Variants in WWOX observed in about 807,000 individuals in gnomAD.
WWOX encodes the protein WW domain containing oxidoreductase.
In WWOX, 69 loss-of-function variants were observed where a neutral mutation model predicts 46.2. The observed-to-expected ratio is 1.49, with a 90% CI of 1.23 to 1.82. The LOEUF (loss-of-function observed/expected upper bound fraction) is 1.82, where lower values mean the gene tolerates loss of function less well. Ranked by LOEUF, WWOX falls within the 40% of genes most tolerant of loss-of-function variation. The probability of loss-of-function intolerance (pLI) is 0.00; values close to 1 mark genes in which losing one functional copy is unlikely to be tolerated. For missense variants in WWOX, 919 were observed against 542.6 expected, an observed-to-expected ratio of 1.69 and a Z score of -6.89; for synonymous variants, 359 against 202.6, an observed-to-expected ratio of 1.77 and a Z score of -6.56.
intron 8 of WWOX, among the ~76,000 whole-genome samples, chr16:78,635,549 C>T (rs1048312725): frequency 1.2e-4 from 18 of 152,292 alleles, no homozygotes; most frequent in African/African-American, 4.1e-4. Context: ...AGACAAGTTG[C>T]TCATCCTCTC....
intron 8 of WWOX, among the ~76,000 whole-genome samples, chr16:78,731,904 G>T (rs185776723): frequency 4.1e-5 from 6 of 145,648 alleles, no homozygotes; most frequent in Admixed American, 1.4e-4. Flanking sequence ...CTGGAGTGCA[G>T]TGGTGCCTTC....
intron 8 of WWOX, among the ~76,000 whole-genome samples, chr16:78,867,511 T>TG (rs201319919): frequency 6.7e-6 from 1 of 149,862 alleles, no homozygotes; most frequent in Non-Finnish European, 1.5e-5. Context: ...TGTGTGTGTG[T>TG]ATGTGTGTGT....
At chr16:78,911,481 T>C (rs767965205) in intron 8 of WWOX, among the ~76,000 whole-genome samples, 12 of 151,882 alleles carry the variant, frequency 7.9e-5, no homozygotes, top group Non-Finnish European at 1.6e-4. Context: ...GATTCAGAAG[T>C]TGAAGGAGAT....
chr16:79,082,359 G>T (rs768929154), intron 8 of WWOX, among the ~76,000 whole-genome samples: 2 of 152,150 alleles, frequency 1.3e-5, no homozygotes, highest in African/African-American at 4.8e-5. Context: ...TCCTTTGTAA[G>T]ACACAGATAA....
intron 5 of WWOX, among the ~76,000 whole-genome samples, chr16:78,212,636 G>T (rs1040852663): frequency 6.6e-6 from 1 of 152,166 alleles, no homozygotes; most frequent in Non-Finnish European, 1.5e-5. Context: ...TTAGGTCCAC[G>T]AAAGAGGGTA....
chr16:78,434,580 C>T (rs1446252444), intron 8 of WWOX, among the ~76,000 whole-genome samples: 2 of 152,136 alleles, frequency 1.3e-5, no homozygotes, highest in Admixed American at 6.5e-5. Context: ...CTTTAACAAG[C>T]CCAGTCAACC....
At chr16:78,261,776 C>CTATATATATATATATA (rs1420854261) in intron 5 of WWOX, among the ~76,000 whole-genome samples, 4 of 38,372 alleles carry the variant, frequency 1.0e-4, no homozygotes, top group African/African-American at 7.0e-4. Context: ...ATCTATGTAT[C>CTATATATATATATATA]TATCTATCTA....
intron 8 of WWOX, among the ~76,000 whole-genome samples, chr16:78,527,131 C>G (rs2043489637): frequency 6.6e-6 from 1 of 151,988 alleles, no homozygotes; most frequent in South Asian, 2.1e-4. Context: ...CCATTGCACT[C>G]CAGCCTGGGC....
chr16:78,406,303 AATATATATATATAT>A (rs532594425), intron 6 of WWOX, among the ~76,000 whole-genome samples: 1,589 of 57,790 alleles, frequency 0.027, 20 homozygotes, highest in Non-Finnish European at 0.046. Flanking sequence ...TATAAATATA[AATATATATATATAT>A]ATATATATAT....
intron 8 of WWOX, among the ~76,000 whole-genome samples, chr16:79,171,617 G>T (rs1252124132): frequency 8.5e-5 from 13 of 152,202 alleles, no homozygotes; most frequent in African/African-American, 3.1e-4. Context: ...GAGTATCTCA[G>T]TGTTGAGTCC....
intron 8 of WWOX, among the ~76,000 whole-genome samples, chr16:78,926,611 T>C (rs1341335178): frequency 6.6e-6 from 1 of 152,154 alleles, no homozygotes; most frequent in African/African-American, 2.4e-5. Flanking sequence ...GAGTGGTTTG[T>C]CAGTTCTTTC....
At chr16:78,933,536 G>T (rs1050533071) in intron 8 of WWOX, among the ~76,000 whole-genome samples, 1 of 152,244 alleles carries the variant, frequency 6.6e-6, no homozygotes, top group Non-Finnish European at 1.5e-5. Flanking sequence ...GGAGGAGCCA[G>T]TGTGAACTGC....
chr16:78,817,022 C>G lies in WWOX; in HGVS notation c.1056+384270C>G, dbSNP rs540882047. 2.6e-5 allele frequency among the ~76,000 whole-genome samples: 4 copies of G among 152,192 alleles called. No homozygotes were observed. In the East Asian group the frequency reaches 7.8e-4, roughly 30 times the overall value. ...CTGACTTGGCTTGGGTTCTGACCAACTGTTTTTGATCCCACAGTCTGAAGT... is the reference window on the plus strand; with the variant it reads ...CTGACTTGGCTTGGGTTCTGACCAAGTGTTTTTGATCCCACAGTCTGAAGT... On this transcript the variant is annotated intron_variant, in intron 8 of 8. Transcript: ENST00000566780.
At position 79,065,267 on chromosome 16, in the gene WWOX, G is replaced by A. The variant is rs374796222; in HGVS notation, c.1057-146341G>A. On this transcript the variant is annotated intron_variant, in intron 8 of 8. Coordinates refer to ENST00000566780, the MANE Select transcript of WWOX (RefSeq NM_016373.4). ...AGTTCACTGAGATGACATTATGGCA[G>A]GAAAGAAAGAGTTTAATTAACACAA... Among the ~76,000 whole-genome samples the A allele has an allele frequency of 4.6e-5, 7 of 152,144 alleles. No homozygotes were observed. The East Asian group carries it at 1.3e-3, about 29-fold the overall frequency.
At chr16:78,436,067 G>T (rs957297206) in intron 8 of WWOX, among the ~76,000 whole-genome samples, 1 of 152,192 alleles carries the variant, frequency 6.6e-6, no homozygotes, top group African/African-American at 2.4e-5. Flanking sequence ...TGCCATACTG[G>T]AGAGCGTGGT....
chr16:78,441,873 C>G (rs1305891240), intron 8 of WWOX, among the ~76,000 whole-genome samples: 5 of 151,758 alleles, frequency 3.3e-5, no homozygotes, highest in Admixed American at 2.0e-4. Context: ...ACTAGATACT[C>G]AATAACCATT....
At chr16:78,140,020 C>A (rs1161095818) in intron 4 of WWOX, among the ~76,000 whole-genome samples, 4 of 152,124 alleles carry the variant, frequency 2.6e-5, no homozygotes, top group Non-Finnish European at 4.4e-5. Flanking sequence ...GTGCAAGTGC[C>A]AAGCAGGTTC....
chr16:78,371,516 T>C (rs1012382178), intron 5 of WWOX, among the ~76,000 whole-genome samples: 10 of 145,096 alleles, frequency 6.9e-5, no homozygotes, highest in Admixed American at 2.7e-4. Flanking sequence ...TATCTAAATA[T>C]TCCATTTTGT....
intron 6 of WWOX, among the ~76,000 whole-genome samples, chr16:78,397,392 T>C (rs1420556941): frequency 2.0e-5 from 3 of 152,088 alleles, no homozygotes; most frequent in Non-Finnish European, 4.4e-5. Flanking sequence ...TAAGAGTGGG[T>C]TAAAAAATGG....
Sources: gnomAD v4.1 joint callset for allele counts (sites outside exome capture counted in the v4.1 genomes callset) on GRCh38, gnomAD v4.1.1 for gene constraint, MANE v1.5 for transcripts, NCBI Gene and HGNC (gene_info 2026-07-23, HGNC 2026-07-21) for gene names.